Variants in OXR1 observed in about 807,000 individuals in gnomAD.
OXR1 encodes oxidation resistance protein 1.
Under a neutral mutation model 104.6 loss-of-function variants are expected in OXR1, and 41 were observed. The ratio of observed to expected loss-of-function variants is 0.39; its 90% CI spans 0.31 to 0.51. The LOEUF (loss-of-function observed/expected upper bound fraction) is 0.51, where lower values mean the gene tolerates loss of function less well. Among genes scored for constraint, OXR1 ranks in the 20% least tolerant of loss-of-function variants. The pLI is 0.77. For synonymous variants in OXR1, 348 were observed against 348.4 expected (o/e 1.00, Z 0.01); for missense variants, 955 against 1,031.9 (o/e 0.93, Z 1.02).
chr8:106,731,877 G>A (rs1015313665), intron 11 of OXR1, among the ~76,000 whole-genome samples: 1 of 152,028 alleles, frequency 6.6e-6, no homozygotes, highest in African/African-American at 2.4e-5. Context: ...GCTATTCTGT[G>A]TCTTTGCATA....
At chr8:106,714,376 C>A (rs1047126729) in intron 11 of OXR1, among the ~76,000 whole-genome samples, 1 of 151,934 alleles carries the variant, frequency 6.6e-6, no homozygotes, top group Non-Finnish European at 1.5e-5. Context: ...GGAGGAGGTA[C>A]GGCAGTCATT....
At chr8:106,739,090 AC>A in intron 12 of OXR1, among the ~76,000 whole-genome samples, 1 of 148,588 alleles carries the variant, frequency 6.7e-6, no homozygotes, top group Non-Finnish European at 1.5e-5. Context: ...ACACACACAC[AC>A]ACACACACAC....
At chr8:106,389,561 T>G (rs1817513866) in intron 2 of OXR1, among the ~76,000 whole-genome samples, 1 of 152,208 alleles carries the variant, frequency 6.6e-6, no homozygotes, top group Admixed American at 6.5e-5. Context: ...GGAAGACTTG[T>G]GAGAAGCTGA....
chr8:106,315,528 G>A (rs1044513216), intron 1 of OXR1, among the ~76,000 whole-genome samples: 10 of 152,078 alleles, frequency 6.6e-5, no homozygotes, highest in Non-Finnish European at 1.0e-4. Flanking sequence ...CTTCTTTTCT[G>A]ATACTAAGAC....
At chr8:106,379,187 A>T (rs1417603282) in intron 2 of OXR1, among the ~76,000 whole-genome samples, 1 of 152,206 alleles carries the variant, frequency 6.6e-6, no homozygotes, top group Non-Finnish European at 1.5e-5. Context: ...CTGGGATGGC[A>T]TTCAGCAATC....
intron 3 of OXR1, among the ~76,000 whole-genome samples, chr8:106,672,720 G>T (rs185505965): frequency 9.2e-5 from 14 of 152,204 alleles, no homozygotes; most frequent in Admixed American, 2.6e-4. Flanking sequence ...CAGGTGGAGG[G>T]AATTGGATCA....
intron 3 of OXR1, chr8:106,656,012 G>A (rs139784937): frequency 9.1e-4 from 139 of 151,936 alleles, no homozygotes; most frequent in African/African-American, 3.0e-3. Context: ...ATAACAAACC[G>A]GTAAATTTTT....
chr8:106,463,376 C>G (rs1821010759), intron 2 of OXR1, among the ~76,000 whole-genome samples: 1 of 152,072 alleles, frequency 6.6e-6, no homozygotes, highest in African/African-American at 2.4e-5. Context: ...GGCAGTATTT[C>G]TCAACATGTT....
Position 106,414,956 on chromosome 8 carries a change from A to G in OXR1, c.23+55320A>G, listed in dbSNP as rs138532628. Among the ~76,000 whole-genome samples the G allele has an allele frequency of 4.9e-3, 740 of 152,282 alleles. 5 individuals are homozygous for G. The highest frequency in any genetic ancestry group is 7.3e-3 in the Non-Finnish European group (496 of 68,002). ...TAGTACAGTCTATAACCTTAGGCCA[A>G]CTGCTGAGCAGAAGCCAAACGCTGT... On this transcript the variant is annotated intron_variant, in intron 2 of 16. Coordinates refer to ENST00000517566, the MANE Select transcript of OXR1 (RefSeq NM_001198533.2).
At chr8:106,409,999 A>AAC (rs199674728) in intron 2 of OXR1, among the ~76,000 whole-genome samples, 23 of 138,640 alleles carry the variant, frequency 1.7e-4, no homozygotes, top group South Asian at 4.3e-4. Context: ...CACACACACA[A>AAC]ACACACACAC....
chr8:106,382,991 CTT>C (rs374929934), intron 2 of OXR1, among the ~76,000 whole-genome samples: 2 of 143,996 alleles, frequency 1.4e-5, no homozygotes, highest in Non-Finnish European at 3.1e-5. Flanking sequence ...AGTACTTTTT[CTT>C]TTTTTTTTTG....
chr8:106,488,310 A>C (rs1317509854), intron 2 of OXR1, among the ~76,000 whole-genome samples: 1 of 132,952 alleles, frequency 7.5e-6, no homozygotes, highest in Non-Finnish European at 1.6e-5. Context: ...TTCATTGTAG[A>C]TTCTGGATAT....
At chr8:106,646,260 C>A (rs1319943338) in intron 3 of OXR1, among the ~76,000 whole-genome samples, 1 of 151,970 alleles carries the variant, frequency 6.6e-6, no homozygotes, top group Non-Finnish European at 1.5e-5. Flanking sequence ...TGCACACCAC[C>A]AAGCCTGACT....
intron 8 of OXR1, among the ~76,000 whole-genome samples, chr8:106,704,393 C>CTTCTTTTTTTTTTTTTTTT (rs1830917410): frequency 2.1e-5 from 1 of 47,888 alleles, no homozygotes; most frequent in Non-Finnish European, 3.5e-5. Context: ...CTTTCTTCTT[C>CTTCTTTTTTTTTTTTTTTT]TTTTTTTTTT....
chr8:106,584,252 C>T lies in OXR1; in HGVS notation c.220+65113C>T, dbSNP rs150193085. Among the ~76,000 whole-genome samples, 43 of 151,464 alleles carry T rather than the reference C, an allele frequency of 2.8e-4. No individual in the cohort carries two copies. In the East Asian group the frequency reaches 7.6e-3, roughly 27 times the overall value. On this transcript the variant is annotated intron_variant, in intron 3 of 16. Transcript: ENST00000517566. ...AGAAAAAGTAGAGAAACCTGAGGGCCAGTCATGGAACTCCATCATCCAAAC... is the reference window on the plus strand; with the variant it reads ...AGAAAAAGTAGAGAAACCTGAGGGCTAGTCATGGAACTCCATCATCCAAAC...
chr8:106,452,008 G>A (rs551338983), intron 2 of OXR1, among the ~76,000 whole-genome samples: 50 of 152,122 alleles, frequency 3.3e-4, no homozygotes, highest in Non-Finnish European at 5.9e-4. Flanking sequence ...TTGACTAAAT[G>A]TCCACTGTGT....
intron 2 of OXR1, among the ~76,000 whole-genome samples, chr8:106,394,190 A>G (rs936911607): frequency 6.6e-6 from 1 of 152,000 alleles, no homozygotes. Flanking sequence ...ATTGACACAC[A>G]GCCACCCCAA....
rs190615782 is a variant in OXR1, at chr8:106,726,447, C to T, written c.1957-11073C>T. The T allele has an allele frequency of 1.9e-4, 99 of 524,910 alleles. No individual in the cohort carries two copies. The East Asian group carries it at 2.7e-3, about 14-fold the overall frequency. The allele number at this position is 524,910 out of a possible 1,614,324, so 32.5% of individuals were successfully genotyped here. Reference sequence around the variant, plus strand: ...CAAAATTTTATGATTGTACAAAGTACCTTGAAGTTGTTTCTGTTAATTCTG... The same window carrying T: ...CAAAATTTTATGATTGTACAAAGTATCTTGAAGTTGTTTCTGTTAATTCTG... On this transcript the variant is annotated intron_variant, in intron 11 of 16. Coordinates refer to ENST00000517566, the MANE Select transcript of OXR1 (RefSeq NM_001198533.2).
intron 1 of OXR1, among the ~76,000 whole-genome samples, chr8:106,318,903 T>A (rs73701136): frequency 0.024 from 3,651 of 152,308 alleles, 54 homozygotes; most frequent in South Asian, 0.097. Flanking sequence ...AAAGTCATTG[T>A]AATAAATGAG....
Sources: allele counts gnomAD v4.1 joint callset (sites outside exome capture counted in the v4.1 genomes callset), GRCh38; gene constraint gnomAD v4.1.1; transcripts MANE v1.5; gene names NCBI Gene and HGNC (gene_info 2026-07-23, HGNC 2026-07-21).